Variants in CRK observed in about 807,000 individuals in gnomAD.
CRK encodes adapter molecule crk.
A neutral mutation model predicts 29.8 loss-of-function variants in CRK; 4 were observed. The observed-to-expected ratio is 0.13, with a 90% CI of 0.07 to 0.31. The LOEUF (loss-of-function observed/expected upper bound fraction) is 0.31, where lower values mean the gene tolerates loss of function less well. CRK is among the 10% of genes least tolerant of loss of function. The pLI is 1.00. For missense variants in CRK, 274 were observed against 396.5 expected, an observed-to-expected ratio of 0.69 and a Z score of 2.62; for synonymous variants, 153 against 164.9, an observed-to-expected ratio of 0.93 and a Z score of 0.55.
At chr17:1,441,567 C>G (rs549075867) in intron 1 of CRK, among the ~76,000 whole-genome samples, 2 of 151,808 alleles carry the variant, frequency 1.3e-5, no homozygotes, top group South Asian at 4.2e-4. Context: ...TCTTGGCTCA[C>G]GGCAACCTCC....
intron 1 of CRK, among the ~76,000 whole-genome samples, chr17:1,448,173 T>A (rs938628559): frequency 6.6e-6 from 1 of 151,746 alleles, no homozygotes; most frequent in African/African-American, 2.4e-5. Flanking sequence ...CCTAAGCAAA[T>A]AGAATGTTCT....
At chr17:1,430,840 G>A (rs1391025168) in intron 2 of CRK, among the ~76,000 whole-genome samples, 2 of 151,496 alleles carry the variant, frequency 1.3e-5, no homozygotes, top group East Asian at 2.0e-4. Flanking sequence ...GGCCGAGGTG[G>A]GTGGATCACG....
intron 1 of CRK, among the ~76,000 whole-genome samples, chr17:1,452,451 T>G (rs2074025141): frequency 6.6e-6 from 1 of 152,338 alleles, no homozygotes; most frequent in South Asian, 2.1e-4. Context: ...AAAGATTCAG[T>G]ACTTAGTACT....
intron 2 of CRK, among the ~76,000 whole-genome samples, chr17:1,425,675 T>A (rs1049615723): frequency 3.3e-5 from 5 of 152,230 alleles, no homozygotes; most frequent in Non-Finnish European, 7.3e-5. Flanking sequence ...GCACATCTAC[T>A]GGCCAAAGCC....
chr17:1,424,421 A>C (rs11655449), intron 2 of CRK: 111,952 of 152,182 alleles, frequency 0.74, 41,527 homozygotes, highest in African/African-American at 0.82. Context: ...CACTCGCACA[A>C]GACCTGGCCT....
At chr17:1,448,565 G>C (rs1220972121) in intron 1 of CRK, among the ~76,000 whole-genome samples, 2 of 139,058 alleles carry the variant, frequency 1.4e-5, no homozygotes, top group Non-Finnish European at 3.0e-5. Flanking sequence ...AGAGCTTGCA[G>C]TGAGCCGAGA....
At chr17:1,434,282 G>T (rs907958534) in intron 2 of CRK, among the ~76,000 whole-genome samples, 1 of 152,092 alleles carries the variant, frequency 6.6e-6, no homozygotes, top group Non-Finnish European at 1.5e-5. Flanking sequence ...GGTAGTATTG[G>T]TGGAAAGCTG....
rs1188043845 is a variant in CRK at position 1,439,116 on chromosome 17, G to A, written c.242-1961C>T. Among the ~76,000 whole-genome samples, 5 of 152,130 alleles carry A rather than the reference G, an allele frequency of 3.3e-5. No homozygotes were observed. In the East Asian group the frequency reaches 5.8e-4, roughly 18 times the overall value. The stretch of plus-strand genomic sequence containing the variant: ...TGGGATCATAGGTGTGGGACACCAC[G>A]ACGGAGTCTCGCTCTGTCCCCCAGG... On this transcript the variant is annotated intron_variant, in intron 1 of 2. Transcript: ENST00000300574.
intron 2 of CRK, among the ~76,000 whole-genome samples, chr17:1,427,030 C>CAAAAAAAAAAAAAAAAAAAAA (rs562515421): frequency 5.7e-5 from 2 of 35,304 alleles, no homozygotes; most frequent in Non-Finnish European, 9.5e-5. Flanking sequence ...AAACTGTCTC[C>CAAAAAAAAAAAAAAAAAAAAA]AAAAAAAAAA....
intron 2 of CRK, among the ~76,000 whole-genome samples, chr17:1,430,649 GC>G (rs1411754492): frequency 6.6e-6 from 1 of 151,356 alleles, no homozygotes; most frequent in East Asian, 2.0e-4. Flanking sequence ...ACAGGCGTGA[GC>G]CACCACACCC....
At chr17:1,435,467 GAA>G (rs11329958) in intron 2 of CRK, among the ~76,000 whole-genome samples, 277 of 146,556 alleles carry the variant, frequency 1.9e-3, no homozygotes, top group African/African-American at 4.2e-3. Flanking sequence ...AAGCAGAGAG[GAA>G]AAAAAAAAAA....
intron 1 of CRK, among the ~76,000 whole-genome samples, chr17:1,444,105 A>G (rs1424726042): frequency 2.0e-5 from 3 of 151,466 alleles, no homozygotes; most frequent in Non-Finnish European, 4.4e-5. Flanking sequence ...AAGTGTTGGG[A>G]TTATAGGCAT....
intron 1 of CRK, among the ~76,000 whole-genome samples, chr17:1,449,872 G>A (rs556002975): frequency 2.0e-5 from 3 of 152,312 alleles, no homozygotes; most frequent in African/African-American, 7.2e-5. Flanking sequence ...AAAAGGCTGA[G>A]AATCACTGGC....
rs373966581 is a variant in CRK at position 1,423,479 on chromosome 17, G to C, written c.*34C>G. 788 of 1,560,282 alleles carry C rather than the reference G, an allele frequency of 5.1e-4. 1 individual carries two copies. The highest frequency in any genetic ancestry group is 1.0e-3 in the Middle Eastern group (6 of 5,860). The stretch of plus-strand genomic sequence containing the variant: ...CAGTTGGAAAAAAAAAAAAAAGATT[G>C]TTCCCATCTGTCAGCAAAACTGTTG... On this transcript the variant is annotated 3_prime_UTR_variant, in exon 3 of 3. Transcript: ENST00000300574.
rs546788728 is a variant in CRK at position 1,430,647 on chromosome 17, G to A, written c.777+5973C>T. ...CCCAAAGTGCTGGGATTACAGGCGT[G>A]AGCCACCACACCCAGCCTGATTCTG... On this transcript the variant is annotated intron_variant, in intron 2 of 2. Coordinates refer to ENST00000300574, the MANE Select transcript of CRK (RefSeq NM_016823.4). Among the ~76,000 whole-genome samples the A allele has an allele frequency of 5.9e-5, 9 of 151,524 alleles. No individual in the cohort carries two copies. The East Asian group carries it at 9.8e-4, about 16-fold the overall frequency.
At chr17:1,444,605 G>GGA (rs1555654432) in intron 1 of CRK, among the ~76,000 whole-genome samples, 3 of 140,666 alleles carry the variant, frequency 2.1e-5, no homozygotes, top group African/African-American at 5.3e-5. Context: ...CGGGGGGGGG[G>GGA]ATCACCTGAG....
chr17:1,421,021 A>G lies in CRK; in HGVS notation c.*2492T>C, dbSNP rs908031603. ...TATTCAAAAAATGGGATTTGCAGAAATGATTATATAAAATATAGCAGCCAA... is the reference window on the plus strand; with the variant it reads ...TATTCAAAAAATGGGATTTGCAGAAGTGATTATATAAAATATAGCAGCCAA... On this transcript the variant is annotated 3_prime_UTR_variant, in exon 3 of 3. Coordinates refer to ENST00000300574, the MANE Select transcript of CRK (RefSeq NM_016823.4). 19 of 152,232 alleles carry G rather than the reference A, an allele frequency of 1.2e-4. No homozygotes were observed. Among genetic ancestry groups the G allele is most frequent in the African/African-American group, 4.6e-4 (19 of 41,474 alleles). 9.4% of individuals were successfully genotyped at this position (152,232 alleles called of 1,614,324 possible). A position where few individuals can be genotyped will look rare whatever the true frequency, so the allele number is the denominator to read the frequency against.
chr17:1,443,215 A>C (rs1465748638), intron 1 of CRK, among the ~76,000 whole-genome samples: 1 of 151,774 alleles, frequency 6.6e-6, no homozygotes. Flanking sequence ...TCCTGACCTC[A>C]GGTGATCCCA....
chr17:1,424,856 A>C (rs1198552002), intron 2 of CRK: 1 of 152,102 alleles, frequency 6.6e-6, no homozygotes, highest in Admixed American at 6.5e-5. Flanking sequence ...TCTACAAAAA[A>C]TACAAAAATT....
Sources: allele counts gnomAD v4.1 joint callset (sites outside exome capture counted in the v4.1 genomes callset), GRCh38; gene constraint gnomAD v4.1.1; transcripts MANE v1.5; gene names NCBI Gene and HGNC (gene_info 2026-07-23, HGNC 2026-07-21).